The following QTMAN variants were observed in gnomAD, a reference collection of about 807,000 sequenced individuals.
The protein encoded by QTMAN is tRNA-queuosine alpha-mannosyltransferase.
chr2:144,297,168 G>C, the QTMAN span, among the ~76,000 whole-genome samples: 1 of 152,010 alleles, frequency 6.6e-6, no homozygotes, highest in Non-Finnish European at 1.5e-5. Context: ...CCCAACAGTA[G>C]GGAGAAAAGT....
the QTMAN span, among the ~76,000 whole-genome samples, chr2:144,037,511 G>A: frequency 5.3e-5 from 8 of 152,150 alleles, no homozygotes; most frequent in African/African-American, 1.7e-4. Context: ...TCATGAGCAC[G>A]TGTGTCACAA....
chr2:143,942,796 G>A, the QTMAN span: 2 of 166,904 alleles, frequency 1.2e-5, no homozygotes, highest in African/African-American at 4.8e-5. Flanking sequence ...AACATTGGCA[G>A]TAGAGTAGTT....
chr2:144,210,987 C>T, the QTMAN span: 1 of 152,132 alleles, frequency 6.6e-6, no homozygotes, highest in East Asian at 1.9e-4. Flanking sequence ...ATATAAACCA[C>T]TCTAAAGAAT....
chr2:144,243,173 C>T, the QTMAN span, among the ~76,000 whole-genome samples: 1 of 152,062 alleles, frequency 6.6e-6, no homozygotes, highest in Non-Finnish European at 1.5e-5. Flanking sequence ...AAAAACTACG[C>T]TCAGAAACTC....
chr2:144,230,245 T>C, the QTMAN span: 5 of 152,202 alleles, frequency 3.3e-5, no homozygotes, highest in Non-Finnish European at 7.4e-5. Flanking sequence ...CTATACCATA[T>C]GGTCCAGGGA....
chr2:144,210,243 C>T, the QTMAN span, among the ~76,000 whole-genome samples: 5 of 152,186 alleles, frequency 3.3e-5, no homozygotes, highest in Admixed American at 3.3e-4. Context: ...AGGACTTAGT[C>T]TCATCATCTC....
At chr2:144,134,598 A>G in the QTMAN span, among the ~76,000 whole-genome samples, 1 of 152,120 alleles carries the variant, frequency 6.6e-6, no homozygotes, top group South Asian at 2.1e-4. Flanking sequence ...TGACAATCCA[A>G]TGTGGTGGGA....
At chr2:144,103,683 G>A in the QTMAN span, among the ~76,000 whole-genome samples, 1 of 152,156 alleles carries the variant, frequency 6.6e-6, no homozygotes, top group South Asian at 2.1e-4. Context: ...TTGAAATGCT[G>A]ATACTCAATT....
At chr2:144,120,029 T>G in the QTMAN span, among the ~76,000 whole-genome samples, 1 of 152,170 alleles carries the variant, frequency 6.6e-6, no homozygotes, top group Non-Finnish European at 1.5e-5. Flanking sequence ...AGAGCAGAGA[T>G]AGTGAAGGGT....
chr2:144,317,694 G>A, the QTMAN span: 4 of 152,132 alleles, frequency 2.6e-5, no homozygotes, highest in Non-Finnish European at 5.9e-5. Flanking sequence ...GGGAGTGGAG[G>A]AGAATAAAGC....
At chr2:144,295,893 C>A in the QTMAN span, among the ~76,000 whole-genome samples, 4 of 152,178 alleles carry the variant, frequency 2.6e-5, no homozygotes, top group African/African-American at 4.8e-5. Flanking sequence ...AACCACTGAG[C>A]CTGGCCCCAA....
chr2:144,149,844 C>T, the QTMAN span, among the ~76,000 whole-genome samples: 1 of 152,038 alleles, frequency 6.6e-6, no homozygotes, highest in African/African-American at 2.4e-5. Context: ...CAGTTGTTTG[C>T]CTTTTACCCT....
At chr2:144,126,217 A>G in the QTMAN span, among the ~76,000 whole-genome samples, 2 of 151,928 alleles carry the variant, frequency 1.3e-5, no homozygotes, top group Admixed American at 1.3e-4. Flanking sequence ...CACAGTTTGT[A>G]ATTTGGTAGA....
chr2:144,231,787 C>A, the QTMAN span, among the ~76,000 whole-genome samples: 1 of 151,554 alleles, frequency 6.6e-6, no homozygotes, highest in Non-Finnish European at 1.5e-5. Flanking sequence ...TATTTAAAGT[C>A]ACTGAATAGT....
the QTMAN span, among the ~76,000 whole-genome samples, chr2:144,213,146 C>G: frequency 7.9e-5 from 12 of 152,104 alleles, no homozygotes; most frequent in African/African-American, 2.9e-4. Context: ...TCACAGAGAA[C>G]AAAAGTAGCC....
chr2:143,953,094 AT>A, the QTMAN span, among the ~76,000 whole-genome samples: 1 of 151,004 alleles, frequency 6.6e-6, no homozygotes, highest in South Asian at 2.1e-4. Context: ...GCAGCTCTGC[AT>A]TTTTTTTTGT....
the QTMAN span, chr2:144,294,503 A>G: frequency 6.6e-6 from 1 of 152,178 alleles, no homozygotes. Context: ...CTAGGGCAAA[A>G]ATGGTATTCA....
At chr2:144,082,937 AG>A in the QTMAN span, among the ~76,000 whole-genome samples, 1 of 152,080 alleles carries the variant, frequency 6.6e-6, no homozygotes, top group African/African-American at 2.4e-5. Flanking sequence ...CACACTCCTC[AG>A]GTTGGAGACA....
chr2:144,131,888 G>A, the QTMAN span, among the ~76,000 whole-genome samples: 1 of 151,870 alleles, frequency 6.6e-6, no homozygotes. Context: ...GATTGGTAAA[G>A]ATGAAAAGTA....
Sources: gnomAD v4.1 joint callset for allele counts (sites outside exome capture counted in the v4.1 genomes callset) on GRCh38, gnomAD v4.1.1 for gene constraint, MANE v1.5 for transcripts, NCBI Gene and HGNC (gene_info 2026-07-23, HGNC 2026-07-21) for gene names.